Variants in APOLD1 observed in about 807,000 individuals in gnomAD.
The protein encoded by APOLD1 is apolipoprotein L domain containing 1.
Under a neutral mutation model 15.3 loss-of-function variants are expected in APOLD1, and 22 were observed. That is an observed-to-expected ratio of 1.44 (90% CI 1.03 to 2.05). The LOEUF (loss-of-function observed/expected upper bound fraction) is 2.05, where lower values mean the gene tolerates loss of function less well. APOLD1 is among the 30% of genes most tolerant of loss of function. The probability of loss-of-function intolerance (pLI) is 0.00; values close to 1 mark genes in which losing one functional copy is unlikely to be tolerated. For synonymous variants in APOLD1, 190 were observed against 167.4 expected (o/e 1.13, Z -1.04); for missense variants, 394 against 353.5 (o/e 1.11, Z -0.92).
intron 1 of APOLD1, chr12:12,771,526 G>T (rs1219169492): frequency 3.9e-6 from 2 of 512,232 alleles, no homozygotes; most frequent in East Asian, 5.6e-5. Flanking sequence ...ATCTCATTTT[G>T]TCCATCCAAT....
intron 1 of APOLD1, among the ~76,000 whole-genome samples, chr12:12,748,107 G>A (rs1037663883): frequency 9.2e-5 from 14 of 152,168 alleles, no homozygotes; most frequent in African/African-American, 3.1e-4. Context: ...CTGATGCAAG[G>A]ATTCAATTAT....
chr12:12,744,864 C>A (rs1592293000), intron 1 of APOLD1, among the ~76,000 whole-genome samples: 2 of 152,134 alleles, frequency 1.3e-5, no homozygotes, highest in African/African-American at 4.8e-5. Flanking sequence ...GTCTGCCCGA[C>A]TTCATGGGGC....
intron 1 of APOLD1, among the ~76,000 whole-genome samples, chr12:12,772,100 C>T (rs1946992676): frequency 6.6e-6 from 1 of 151,916 alleles, no homozygotes; most frequent in South Asian, 2.1e-4. Context: ...ACAAGAACAA[C>T]AAATAGAAAA....
chr12:12,739,543 T>A (rs1252647368), intron 1 of APOLD1, among the ~76,000 whole-genome samples: 1 of 152,140 alleles, frequency 6.6e-6, no homozygotes, highest in Non-Finnish European at 1.5e-5. Context: ...TATCTCAGAG[T>A]GACTTGCAGA....
chr12:12,774,659 C>T (rs1947018207), intron 1 of APOLD1, among the ~76,000 whole-genome samples: 1 of 151,022 alleles, frequency 6.6e-6, no homozygotes, highest in South Asian at 2.1e-4. Flanking sequence ...ACAGGCACCT[C>T]ACCAAAGAAG....
At chr12:12,726,155 CCAAA>C in intron 1 of APOLD1, 1 of 222,438 alleles carries the variant, frequency 4.5e-6, no homozygotes, top group Non-Finnish European at 7.5e-6. Context: ...CTCTTCGCAA[CCAAA>C]AAAAAAAAAA....
At chr12:12,772,342 A>G (rs571227902) in intron 1 of APOLD1, among the ~76,000 whole-genome samples, 125 of 152,356 alleles carry the variant, frequency 8.2e-4, no homozygotes, top group Non-Finnish European at 1.3e-3. Flanking sequence ...AGCTATGCTT[A>G]TGTCAGACAG....
upstream of APOLD1, among the ~76,000 whole-genome samples, chr12:12,782,283 A>AAACC (rs1233691940): frequency 6.6e-6 from 1 of 151,660 alleles, no homozygotes; most frequent in Non-Finnish European, 1.5e-5. Context: ...ACAAACAAAC[A>AAACC]AACAAACAAA....
chr12:12,751,988 T>C (rs1455196032), intron 1 of APOLD1, among the ~76,000 whole-genome samples: 1 of 152,028 alleles, frequency 6.6e-6, no homozygotes, highest in East Asian at 1.9e-4. Context: ...AAGAAAACAT[T>C]CTCCCCTCAG....
At chr12:12,743,504 A>G (rs1455341075) in intron 1 of APOLD1, among the ~76,000 whole-genome samples, 1 of 152,204 alleles carries the variant, frequency 6.6e-6, no homozygotes, top group East Asian at 1.9e-4. Flanking sequence ...TGGTCAGAGG[A>G]ATAGGTGACT....
chr12:12,727,074 C>T lies in APOLD1; in HGVS notation c.96+978C>T, dbSNP rs145210842. The stretch of plus-strand genomic sequence containing the variant: ...TAGTGATTTCAAAGTCTATTCCAGA[C>T]CCCTGTGAAACTGTATTTCCAACCT... On this transcript the variant is annotated intron_variant, in intron 1 of 1. Transcript: ENST00000326765. 2.6e-3 allele frequency among the ~76,000 whole-genome samples: 398 copies of T among 152,310 alleles called. 3 individuals carry two copies. The highest frequency in any genetic ancestry group is 5.0e-3 in the South Asian group (24 of 4,826).
chr12:12,746,974 C>T (rs1946771520), intron 1 of APOLD1, among the ~76,000 whole-genome samples: 1 of 152,186 alleles, frequency 6.6e-6, no homozygotes, highest in Non-Finnish European at 1.5e-5. Context: ...GACATGATTT[C>T]ATTCTTTTTT....
chr12:12,733,522 G>A (rs961247378), intron 1 of APOLD1, among the ~76,000 whole-genome samples: 2 of 152,184 alleles, frequency 1.3e-5, no homozygotes, highest in African/African-American at 2.4e-5. Context: ...ATTATGAAGA[G>A]ACTTTCCCTT....
At chr12:12,754,122 G>A (rs576834621) in intron 1 of APOLD1, among the ~76,000 whole-genome samples, 44 of 149,318 alleles carry the variant, frequency 2.9e-4, no homozygotes, top group African/African-American at 9.3e-4. Flanking sequence ...AGGCTCACTC[G>A]AACCCAAGAG....
chr12:12,763,523 G>A (rs914997084), intron 1 of APOLD1, among the ~76,000 whole-genome samples: 2 of 150,484 alleles, frequency 1.3e-5, no homozygotes, highest in African/African-American at 4.9e-5. Context: ...GTGGGGGGGG[G>A]GAAAACAATA....
chr12:12,748,769 T>A (rs1215229712), intron 1 of APOLD1, among the ~76,000 whole-genome samples: 1 of 152,176 alleles, frequency 6.6e-6, no homozygotes, highest in Admixed American at 6.6e-5. Flanking sequence ...GAAGTTCACT[T>A]CCATTGCAGC....
chr12:12,779,022 C>T (rs1947059466), intron 1 of APOLD1, among the ~76,000 whole-genome samples: 1 of 152,154 alleles, frequency 6.6e-6, no homozygotes, highest in South Asian at 2.1e-4. Context: ...TTTGGCCTTC[C>T]CTGCTTCCCA....
At chr12:12,728,723 T>C (rs369513470) in intron 1 of APOLD1, among the ~76,000 whole-genome samples, 1 of 140,156 alleles carries the variant, frequency 7.1e-6, no homozygotes, top group African/African-American at 2.7e-5. Context: ...AAGAGAAAGA[T>C]TGGAAACTCC....
intron 1 of APOLD1, among the ~76,000 whole-genome samples, chr12:12,776,137 G>A (rs1947032187): frequency 6.6e-6 from 1 of 151,862 alleles, no homozygotes; most frequent in South Asian, 2.1e-4. Flanking sequence ...TGCTTAATGT[G>A]AACCGACTGA....
Sources: allele counts gnomAD v4.1 joint callset (sites outside exome capture counted in the v4.1 genomes callset), GRCh38; gene constraint gnomAD v4.1.1; transcripts MANE v1.5; gene names NCBI Gene and HGNC (gene_info 2026-07-23, HGNC 2026-07-21).